HDAC9: variants seen among roughly 807,000 people sequenced by gnomAD.
The protein encoded by HDAC9 is MEF-2 interacting transcription repressor (MITR) protein.
HDAC9 carries 41 observed loss-of-function variants against 139.4 expected under a neutral mutation model. That is an observed-to-expected ratio of 0.29 (90% CI 0.23 to 0.38). HDAC9 has a LOEUF of 0.38. Ranked by LOEUF, HDAC9 falls within the 10% of genes least tolerant of loss-of-function variation. The pLI, the probability that HDAC9 is intolerant of heterozygous loss-of-function variation, is 1.00. For missense variants in HDAC9, 1,147 were observed against 1,297.0 expected (o/e 0.88, Z 1.78); for synonymous variants, 517 against 476.2 (o/e 1.09, Z -1.12).
At chr7:18,425,407 AG>A (rs1790025168) in intron 1 of HDAC9, among the ~76,000 whole-genome samples, 1 of 152,202 alleles carries the variant, frequency 6.6e-6, no homozygotes, top group Non-Finnish European at 1.5e-5. Flanking sequence ...GCAGAGCTGA[AG>A]GTGGCATGAC....
At chr7:18,426,358 A>G (rs1790114488) in intron 1 of HDAC9, among the ~76,000 whole-genome samples, 1 of 152,252 alleles carries the variant, frequency 6.6e-6, no homozygotes, top group Non-Finnish European at 1.5e-5. Context: ...ATGCTAATGC[A>G]GTTTTTAATC....
At chr7:18,123,401 T>C (rs1263206187) in intron 1 of HDAC9, among the ~76,000 whole-genome samples, 2 of 152,218 alleles carry the variant, frequency 1.3e-5, no homozygotes, top group African/African-American at 2.4e-5. Context: ...CAGAGTCGTA[T>C]GAAATTTGAA....
At chr7:18,549,679 G>A (rs566916777) in intron 2 of HDAC9, among the ~76,000 whole-genome samples, 1 of 151,958 alleles carries the variant, frequency 6.6e-6, no homozygotes, top group Admixed American at 6.5e-5. Context: ...AGCTTTCACA[G>A]GATTCCTCTT....
chr7:18,576,380 G>A (rs1359963448), intron 2 of HDAC9, among the ~76,000 whole-genome samples: 1 of 152,088 alleles, frequency 6.6e-6, no homozygotes, highest in East Asian at 1.9e-4. Flanking sequence ...TAGGAGTAGG[G>A]GCCAGTCGGG....
intron 2 of HDAC9, among the ~76,000 whole-genome samples, chr7:18,244,747 A>G (rs1584812612): frequency 6.6e-6 from 1 of 152,130 alleles, no homozygotes; most frequent in African/African-American, 2.4e-5. Flanking sequence ...GCAGTGAGCC[A>G]AGATCACACC....
At chr7:18,582,400 C>G (rs545988861) in intron 2 of HDAC9, among the ~76,000 whole-genome samples, 1 of 152,060 alleles carries the variant, frequency 6.6e-6, no homozygotes, top group African/African-American at 2.4e-5. Flanking sequence ...AATATGTGCT[C>G]GATAAGGGCT....
Position 18,666,324 on chromosome 7 carries a change from G to A in HDAC9, c.1579G>A (p.Gly527Ser). 1.9e-6 allele frequency: 3 copies of A among 1,613,412 alleles called. No individual in the cohort carries two copies. Among genetic ancestry groups the A allele is most frequent in the Non-Finnish European group, 2.5e-6 (3 of 1,179,618 alleles). ...GCAGGAAGACAGAGCGCCCTCTAGT[G>A]GCAACAGCACTAGGAGCGACAGCAG... is the stretch of plus-strand genomic sequence containing the variant. ...AMQEDRAPSS[G>S]NSTRSDSSAC... The change falls in exon 12 of 26, where the codon GGC (glycine) becomes AGC (serine). Residue 527 changes from glycine to serine, a missense_variant. Transcript: ENST00000686413.
chr7:18,575,567 A>G (rs887691344), intron 2 of HDAC9, among the ~76,000 whole-genome samples: 2 of 152,242 alleles, frequency 1.3e-5, no homozygotes, highest in Non-Finnish European at 2.9e-5. Flanking sequence ...ATTGAATTTT[A>G]AGAGATACAG....
intron 2 of HDAC9, among the ~76,000 whole-genome samples, chr7:18,174,908 G>C (rs1168641364): frequency 2.0e-5 from 3 of 152,144 alleles, no homozygotes; most frequent in African/African-American, 7.2e-5. Context: ...GCTACATGGC[G>C]GCCAGGGACC....
chr7:18,666,653 G>T, intron 12 of HDAC9, 177 bp downstream of exon 12: 1 of 1,387,064 alleles, frequency 7.2e-7, no homozygotes, highest in Non-Finnish European at 9.5e-7. Context: ...CTATATAGAG[G>T]TCTTTCTATA....
At chr7:18,730,690 G>A (rs552571120) in intron 13 of HDAC9, among the ~76,000 whole-genome samples, 3 of 152,314 alleles carry the variant, frequency 2.0e-5, no homozygotes, top group Admixed American at 6.5e-5. Flanking sequence ...CTTTTGTAGT[G>A]TGAGGTGTGG....
chr7:18,727,563 T>A lies in HDAC9; in HGVS notation c.1732-17T>A. The A allele has an allele frequency of 6.3e-7, 1 of 1,577,582 alleles. No homozygotes were observed. Among genetic ancestry groups the A allele is most frequent in the Non-Finnish European group, 8.6e-7 (1 of 1,162,342 alleles). On this transcript the variant is annotated splice_polypyrimidine_tract_variant and intron_variant, in intron 12 of 25. Transcript: ENST00000686413. ...TGTCTCACATTTCTTTCTACTGTGC[T>A]CTTTTCTTGGCAACAGCCTTTCCTG...
At chr7:18,158,817 A>G (rs1329380431) in intron 1 of HDAC9, among the ~76,000 whole-genome samples, 1 of 152,228 alleles carries the variant, frequency 6.6e-6, no homozygotes, top group Non-Finnish European at 1.5e-5. Context: ...AGGCTGGGAC[A>G]GTGAAATGTG....
intron 1 of HDAC9, among the ~76,000 whole-genome samples, chr7:18,349,095 C>G (rs1378810825): frequency 6.6e-6 from 1 of 152,104 alleles, no homozygotes; most frequent in Admixed American, 6.6e-5. Context: ...CTCCCATTGG[C>G]TTCCTAATGG....
At chr7:18,184,894 C>T (rs1166385385) in intron 2 of HDAC9, among the ~76,000 whole-genome samples, 1 of 152,158 alleles carries the variant, frequency 6.6e-6, no homozygotes, top group African/African-American at 2.4e-5. Context: ...CACCTAATCT[C>T]TTAAAAAATA....
intron 2 of HDAC9, among the ~76,000 whole-genome samples, chr7:18,212,153 G>A (rs1791981554): frequency 6.6e-6 from 1 of 152,114 alleles, no homozygotes; most frequent in African/African-American, 2.4e-5. Flanking sequence ...TGATGATTAG[G>A]ATGATGATAA....
chr7:18,449,125 A>G (rs1026053114), intron 1 of HDAC9, among the ~76,000 whole-genome samples: 3 of 152,146 alleles, frequency 2.0e-5, no homozygotes, highest in Non-Finnish European at 4.4e-5. Context: ...CTTTAGATAC[A>G]TATCCAATAG....
chr7:18,249,468 A>C (rs998147130), intron 2 of HDAC9, among the ~76,000 whole-genome samples: 69 of 132,500 alleles, frequency 5.2e-4, no homozygotes, highest in African/African-American at 1.9e-3. Context: ...ATGCCACTGC[A>C]CTCCAGCCTG....
chr7:18,102,932 T>C (rs1341335862), intron 1 of HDAC9, among the ~76,000 whole-genome samples: 1 of 152,150 alleles, frequency 6.6e-6, no homozygotes, highest in African/African-American at 2.4e-5. Flanking sequence ...AGCAACAAGA[T>C]TTTTAAAGAA....
Sources: gnomAD v4.1 joint callset for allele counts (sites outside exome capture counted in the v4.1 genomes callset) on GRCh38, gnomAD v4.1.1 for gene constraint, MANE v1.5 for transcripts, NCBI Gene and HGNC (gene_info 2026-07-23, HGNC 2026-07-21) for gene names.